Variants in SNTG1 observed in about 807,000 individuals in gnomAD.
SNTG1 encodes syntrophin gamma 1.
SNTG1 carries 39 observed loss-of-function variants against 74.7 expected under a neutral mutation model. The ratio of observed to expected loss-of-function variants is 0.52; its 90% CI spans 0.40 to 0.68. SNTG1 has a LOEUF of 0.68. Ranked by LOEUF, SNTG1 falls within the 30% of genes least tolerant of loss-of-function variation. The probability of loss-of-function intolerance (pLI) is 0.00; values close to 1 mark genes in which losing one functional copy is unlikely to be tolerated. For missense variants in SNTG1, 685 were observed against 609.5 expected, an observed-to-expected ratio of 1.12 and a Z score of -1.30; for synonymous variants, 254 against 217.1, an observed-to-expected ratio of 1.17 and a Z score of -1.49.
intron 15 of SNTG1, among the ~76,000 whole-genome samples, chr8:50,682,368 A>T (rs1016964463): frequency 6.6e-6 from 1 of 151,770 alleles, no homozygotes; most frequent in Non-Finnish European, 1.5e-5. Context: ...AGAACAGGTG[A>T]CTCAGGATGA....
chr8:50,204,966 T>A (rs968494384), intron 2 of SNTG1, among the ~76,000 whole-genome samples: 3 of 152,206 alleles, frequency 2.0e-5, no homozygotes, highest in Non-Finnish European at 4.4e-5. Flanking sequence ...ATCCAGTCTA[T>A]CATTGATGGA....
At chr8:50,500,697 G>A (rs990058375) in intron 8 of SNTG1, among the ~76,000 whole-genome samples, 19 of 151,958 alleles carry the variant, frequency 1.3e-4, no homozygotes, top group Non-Finnish European at 2.5e-4. Context: ...TTTAGCTCAC[G>A]GGTTTGTGGT....
intron 4 of SNTG1, among the ~76,000 whole-genome samples, chr8:50,426,362 A>G (rs2093163306): frequency 6.6e-6 from 1 of 152,142 alleles, no homozygotes; most frequent in African/African-American, 2.4e-5. Flanking sequence ...GAGCTGAAAA[A>G]TTTCTAGTTA....
In SNTG1 at chr8:50,483,202, T is replaced by A. The variant is rs1016307738; in HGVS notation, c.364-19576T>A. ...TGCATCTTGCACAATTTGATAAATA[T>A]CTTAGTGATTTTTATAGTTATCCTA... On this transcript the variant is annotated intron_variant, in intron 8 of 18. Coordinates refer to ENST00000642720, the MANE Select transcript of SNTG1 (RefSeq NM_018967.5). Among the ~76,000 whole-genome samples the A allele has an allele frequency of 2.0e-5, 3 of 152,314 alleles. No individual in the cohort carries two copies. The Middle Eastern group carries it at 0.01, about 518-fold the overall frequency.
chr8:50,497,134 G>A (rs758626429), intron 8 of SNTG1, among the ~76,000 whole-genome samples: 5 of 151,890 alleles, frequency 3.3e-5, no homozygotes, highest in Non-Finnish European at 5.9e-5. Flanking sequence ...TCTTTAGGGT[G>A]AGATTTTATT....
intron 2 of SNTG1, among the ~76,000 whole-genome samples, chr8:50,360,945 T>C (rs1398507020): frequency 1.3e-5 from 2 of 152,132 alleles, no homozygotes; most frequent in Non-Finnish European, 2.9e-5. Flanking sequence ...ACAAATTTAT[T>C]TTTAAAATTT....
chr8:50,691,674 C>G (rs2095380280), intron 15 of SNTG1, among the ~76,000 whole-genome samples: 1 of 152,056 alleles, frequency 6.6e-6, no homozygotes, highest in Non-Finnish European at 1.5e-5. Flanking sequence ...CTCTGGCTGC[C>G]CTTAACATTT....
intron 17 of SNTG1, among the ~76,000 whole-genome samples, chr8:50,729,831 T>A (rs2095508644): frequency 6.6e-6 from 1 of 152,238 alleles, no homozygotes; most frequent in Admixed American, 6.5e-5. Context: ...AGAGTTATCC[T>A]AACAGAAACA....
chr8:50,704,764 T>A lies in SNTG1; in HGVS notation c.1191+12T>A. 1.2e-6 allele frequency: 2 copies of A among 1,613,826 alleles called. No individual in the cohort carries two copies. The highest frequency in any genetic ancestry group is 2.2e-5 in the South Asian group (2 of 91,072). ...TAGAACGGATACAGGTGAGAGTCTG[T>A]GGGACTGCAGGATGTGTGGCTCCCT... On this transcript the variant is annotated intron_variant, in intron 16 of 18. Coordinates refer to ENST00000642720, the MANE Select transcript of SNTG1 (RefSeq NM_018967.5).
At chr8:50,485,684 A>G (rs1587782837) in intron 8 of SNTG1, among the ~76,000 whole-genome samples, 1 of 150,634 alleles carries the variant, frequency 6.6e-6, no homozygotes, top group Non-Finnish European at 1.5e-5. Flanking sequence ...ATTAGATCCC[A>G]TTTGTCAATT....
At chr8:50,263,888 A>G (rs1400602855) in intron 2 of SNTG1, among the ~76,000 whole-genome samples, 1 of 152,204 alleles carries the variant, frequency 6.6e-6, no homozygotes, top group African/African-American at 2.4e-5. Flanking sequence ...CGGCATACAC[A>G]TTCAAGAACA....
At chr8:49,967,353 A>G (rs1008543629) in intron 1 of SNTG1, among the ~76,000 whole-genome samples, 8 of 152,170 alleles carry the variant, frequency 5.3e-5, no homozygotes, top group Admixed American at 2.6e-4. Context: ...CATGTGACAC[A>G]GCCATTTGTT....
At chr8:50,606,956 T>C (rs553766900) in intron 13 of SNTG1, among the ~76,000 whole-genome samples, 1 of 152,020 alleles carries the variant, frequency 6.6e-6, no homozygotes, top group East Asian at 1.9e-4. Context: ...TCCTTTTTAT[T>C]TATTGTTGGA....
chr8:50,467,002 G>A (rs1179932275), intron 8 of SNTG1, among the ~76,000 whole-genome samples: 1 of 151,772 alleles, frequency 6.6e-6, no homozygotes, highest in East Asian at 1.9e-4. Context: ...ATTCATACAT[G>A]CTTAACTGGA....
chr8:50,554,693 A>G (rs558289115), intron 12 of SNTG1, among the ~76,000 whole-genome samples: 1 of 152,060 alleles, frequency 6.6e-6, no homozygotes, highest in Non-Finnish European at 1.5e-5. Flanking sequence ...AAAAACAAAG[A>G]AAAAAATAGA....
chr8:50,104,673 C>T (rs900201053), intron 1 of SNTG1, among the ~76,000 whole-genome samples: 3 of 152,136 alleles, frequency 2.0e-5, no homozygotes, highest in Non-Finnish European at 4.4e-5. Flanking sequence ...AATTTTGGAT[C>T]TTTCCTGCTT....
chr8:50,212,022 T>C (rs940099247), intron 2 of SNTG1, among the ~76,000 whole-genome samples: 35 of 152,330 alleles, frequency 2.3e-4, no homozygotes, highest in African/African-American at 8.2e-4. Flanking sequence ...ATTTCCATAA[T>C]AATTTTAATG....
intron 17 of SNTG1, among the ~76,000 whole-genome samples, chr8:50,714,872 C>T (rs7834585): frequency 0.33 from 50,825 of 151,722 alleles, 11,096 homozygotes; most frequent in African/African-American, 0.62. Context: ...TTAATGGGTG[C>T]TTATGTTTTC....
At chr8:50,510,835 T>C (rs1250597026) in intron 9 of SNTG1, among the ~76,000 whole-genome samples, 2 of 152,184 alleles carry the variant, frequency 1.3e-5, no homozygotes, top group African/African-American at 4.8e-5. Context: ...GCTAGCGGTC[T>C]ATCAATTTTG....
Sources: allele counts gnomAD v4.1 joint callset (sites outside exome capture counted in the v4.1 genomes callset), GRCh38; gene constraint gnomAD v4.1.1; transcripts MANE v1.5; gene names NCBI Gene and HGNC (gene_info 2026-07-23, HGNC 2026-07-21).